Variants in KIAA1217 observed in about 807,000 individuals in gnomAD.
KIAA1217 encodes KIAA1217.
In KIAA1217, 88 loss-of-function variants were observed where a neutral mutation model predicts 163.9. The ratio of observed to expected loss-of-function variants is 0.54; its 90% confidence interval spans 0.45 to 0.64. The LOEUF (loss-of-function observed/expected upper bound fraction) is 0.64. Ranked by LOEUF, KIAA1217 falls within the 30% of genes least tolerant of loss-of-function variation. The pLI is 0.00. For missense variants in KIAA1217, 2,372 were observed against 2,475.0 expected (o/e 0.96, Z 0.88); for synonymous variants, 903 against 923.1 (o/e 0.98, Z 0.39).
intron 2 of KIAA1217, among the ~76,000 whole-genome samples, chr10:24,344,797 A>G (rs545833012): frequency 6.6e-6 from 1 of 152,148 alleles, no homozygotes; most frequent in African/African-American, 2.4e-5. Context: ...ATTTCTTTCT[A>G]TCTGTCTTCC....
At chr10:23,853,138 T>C (rs188275812) in intron 1 of KIAA1217, among the ~76,000 whole-genome samples, 1,763 of 152,302 alleles carry the variant, frequency 0.012, 36 homozygotes, top group African/African-American at 0.04. Context: ...CAGTATGATA[T>C]TGGCTGTGGG....
intron 2 of KIAA1217, among the ~76,000 whole-genome samples, chr10:24,087,167 A>C (rs1316851610): frequency 6.6e-6 from 1 of 152,242 alleles, no homozygotes; most frequent in Non-Finnish European, 1.5e-5. Context: ...TGGACTCAGA[A>C]AAAAATTTAA....
chr10:23,804,990 A>T (rs747648860), intron 1 of KIAA1217, among the ~76,000 whole-genome samples: 5 of 152,246 alleles, frequency 3.3e-5, no homozygotes, highest in Non-Finnish European at 5.9e-5. Context: ...AATATTAAAA[A>T]GTAAAAGAAT....
chr10:24,132,903 G>A (rs2131811826), intron 2 of KIAA1217, among the ~76,000 whole-genome samples: 1 of 152,308 alleles, frequency 6.6e-6, no homozygotes, highest in Non-Finnish European at 1.5e-5. Flanking sequence ...CTGGAAGAGG[G>A]TAGATGTGGA....
intron 1 of KIAA1217, among the ~76,000 whole-genome samples, chr10:23,795,059 C>G (rs1836135314): frequency 6.6e-6 from 1 of 152,204 alleles, no homozygotes; most frequent in Non-Finnish European, 1.5e-5. Flanking sequence ...CAGTTTCAGC[C>G]TGCCTCAGCC....
intron 2 of KIAA1217, among the ~76,000 whole-genome samples, chr10:24,127,505 T>G (rs2131797524): frequency 6.6e-6 from 1 of 152,322 alleles, no homozygotes; most frequent in Non-Finnish European, 1.5e-5. Flanking sequence ...ATTTTTCTAC[T>G]GCCTTGAGAC....
chr10:24,340,456 CT>C (rs1456063285), intron 2 of KIAA1217, among the ~76,000 whole-genome samples: 2 of 152,194 alleles, frequency 1.3e-5, no homozygotes, highest in African/African-American at 4.8e-5. Context: ...ATTGTGAGGC[CT>C]CCCCAACCAC....
intron 2 of KIAA1217, among the ~76,000 whole-genome samples, chr10:24,061,063 G>T (rs749990924): frequency 3.9e-5 from 6 of 151,936 alleles, no homozygotes; most frequent in Non-Finnish European, 7.4e-5. Flanking sequence ...TGGTTCATTT[G>T]TCCCTCTTTT....
intron 1 of KIAA1217, among the ~76,000 whole-genome samples, chr10:23,770,191 A>G (rs1042478096): frequency 6.6e-6 from 1 of 152,166 alleles, no homozygotes; most frequent in Non-Finnish European, 1.5e-5. Context: ...TAGTTTTTTA[A>G]TCATGTTTGG....
chr10:24,445,593 A>T (rs1299956817), intron 5 of KIAA1217, among the ~76,000 whole-genome samples: 2 of 129,384 alleles, frequency 1.5e-5, no homozygotes, highest in African/African-American at 6.0e-5. Context: ...ATGTGTTCTC[A>T]TTCTTCAATT....
At chr10:24,376,824 G>C (rs747742580) in intron 2 of KIAA1217, among the ~76,000 whole-genome samples, 1 of 152,124 alleles carries the variant, frequency 6.6e-6, no homozygotes, top group Non-Finnish European at 1.5e-5. Flanking sequence ...TCTGGAGTGC[G>C]CCACACGTGA....
chr10:24,438,677 A>C (rs2060253986), intron 5 of KIAA1217, among the ~76,000 whole-genome samples, 198 bp downstream of exon 5: 1 of 152,206 alleles, frequency 6.6e-6, no homozygotes, highest in South Asian at 2.1e-4. Context: ...GATTAAAATA[A>C]GGCTGGACAC....
At chr10:23,997,994 T>TC (rs199777676) in intron 1 of KIAA1217, among the ~76,000 whole-genome samples, 3,393 of 142,664 alleles carry the variant, frequency 0.024, 139 homozygotes, top group African/African-American at 0.081. Flanking sequence ...TTTTTTTTTT[T>TC]CCCCCCAAAA....
At chr10:23,712,424 A>C (rs569635174) in intron 1 of KIAA1217, among the ~76,000 whole-genome samples, 1 of 151,916 alleles carries the variant, frequency 6.6e-6, no homozygotes, top group South Asian at 2.1e-4. Flanking sequence ...CAAGTCAATG[A>C]ACATCTTGGC....
At chr10:24,148,356 T>C (rs1308917145) in intron 2 of KIAA1217, among the ~76,000 whole-genome samples, 1 of 152,190 alleles carries the variant, frequency 6.6e-6, no homozygotes, top group Non-Finnish European at 1.5e-5. Flanking sequence ...AACCTAAAGT[T>C]AAGCTTAGTG....
At chr10:24,242,496 T>C (rs1564328835) in intron 2 of KIAA1217, among the ~76,000 whole-genome samples, 1 of 152,242 alleles carries the variant, frequency 6.6e-6, no homozygotes, top group South Asian at 2.1e-4. Context: ...CAGTCCACCA[T>C]TGACGGACAC....
chr10:24,103,474 G>T (rs2062498457), intron 2 of KIAA1217, among the ~76,000 whole-genome samples: 1 of 152,082 alleles, frequency 6.6e-6, no homozygotes, highest in Non-Finnish European at 1.5e-5. Flanking sequence ...GCCAATAACT[G>T]GGAGAATATA....
chr10:24,206,943 G>A (rs574389772), upstream of KIAA1217, among the ~76,000 whole-genome samples: 3 of 152,218 alleles, frequency 2.0e-5, no homozygotes, highest in African/African-American at 7.2e-5. Flanking sequence ...GTCCATCTAG[G>A]GGTCAACAGA....
At chr10:24,364,942 G>A (rs1358859461) in intron 2 of KIAA1217, among the ~76,000 whole-genome samples, 12 of 151,928 alleles carry the variant, frequency 7.9e-5, no homozygotes, top group Admixed American at 7.9e-4. Context: ...AGGACTACAG[G>A]CACTTGTCAC....
Sources: gnomAD v4.1 joint callset for allele counts (sites outside exome capture counted in the v4.1 genomes callset) on GRCh38, gnomAD v4.1.1 for gene constraint, MANE v1.5 for transcripts, NCBI Gene and HGNC (gene_info 2026-07-23, HGNC 2026-07-21) for gene names.